Variants in ESYT3 observed in about 807,000 individuals in gnomAD.
ESYT3 encodes extended synaptotagmin 3, also known as extended synaptotagmin-3.
ESYT3 carries 101 observed loss-of-function variants against 111.5 expected under a neutral mutation model. The ratio of observed to expected loss-of-function variants is 0.91; its 90% CI spans 0.77 to 1.07. The LOEUF is 1.07. Ranked by LOEUF, ESYT3 falls within the 50% of genes least tolerant of loss-of-function variation. The probability of loss-of-function intolerance (pLI) is 0.00; values close to 1 mark genes in which losing one functional copy is unlikely to be tolerated. For missense variants in ESYT3, 1,097 were observed against 1,109.4 expected (o/e 0.99, Z 0.16); for synonymous variants, 416 against 446.8 (o/e 0.93, Z 0.87).
At chr3:138,467,431 C>T (rs751041618) in intron 10 of ESYT3, 130 bp from the exon 11 acceptor site, 3 of 912,172 alleles carry the variant, frequency 3.3e-6, no homozygotes, top group Non-Finnish European at 3.6e-6. Flanking sequence ...CCATTGGTTC[C>T]TTGGGGTAAG....
rs2030556122 is a variant in ESYT3, at chr3:138,435,161, A to C, written c.327+36A>C. The C allele has an allele frequency of 6.6e-7, 1 of 1,509,668 alleles. No homozygotes were observed. The highest frequency in any genetic ancestry group is 1.4e-5 in the African/African-American group (1 of 73,580). The allele number at this position is 1,509,668 out of a possible 1,614,324, so 93.5% of individuals were successfully genotyped here. On this transcript the variant is annotated intron_variant, in intron 1 of 22. Transcript: ENST00000389567. The surrounding 1 kb of genome is among the most constrained non-coding windows in gnomAD (Gnocchi z 4.8). ...CCGGGTGGGAGTGGGAGGTGGGGAG[A>C]TGCCTTTCGAGGTTCGGAGGAACTT...
Position 138,468,135 on chromosome 3 carries a change from C to T in ESYT3, c.1249C>T (p.Arg417Trp), listed in dbSNP as rs200238751. ...WFVLNDTTSG[R>W]LHLRLEWLSL... The stretch of plus-strand genomic sequence containing the variant: ...TGTCCTGAATGACACAACCAGCGGG[C>T]GGCTGCACCTGCGGCTGGAGTGGCT... The change falls in exon 12 of 23, where the codon CGG becomes TGG. Residue 417 changes from arginine (R) to tryptophan (W), a missense_variant. Arg to Trp is a moderately radical substitution (Grantham distance 101). Transcript: ENST00000389567. The T allele has an allele frequency of 3.3e-5, 54 of 1,614,152 alleles. No individual in the cohort carries two copies. In the South Asian group the frequency reaches 4.5e-4, roughly 13 times the overall value.
At chr3:138,470,269 T>C in intron 16 of ESYT3, 123 bp downstream of exon 16, 1 of 1,398,764 alleles carries the variant, frequency 7.1e-7, no homozygotes, top group African/African-American at 1.4e-5. Flanking sequence ...CCCTTGTATG[T>C]AAGAGAGGAC....
chr3:138,449,388 G>A (rs965045085), intron 1 of ESYT3, among the ~76,000 whole-genome samples: 2 of 152,052 alleles, frequency 1.3e-5, no homozygotes, highest in African/African-American at 2.4e-5. Context: ...TCCCGGCCTT[G>A]CTTCCTACAT....
chr3:138,470,833 G>A (rs758129335), intron 16 of ESYT3, 44 bp from the exon 17 acceptor site: 1 of 1,612,410 alleles, frequency 6.2e-7, no homozygotes, highest in South Asian at 1.1e-5. Flanking sequence ...GTGGAGTGGT[G>A]GGGCTTGGTT....
chr3:138,460,535 G>T, intron 6 of ESYT3, 76 bp from the exon 7 acceptor site: 2 of 1,491,468 alleles, frequency 1.3e-6, no homozygotes, highest in Non-Finnish European at 1.9e-6. Flanking sequence ...ACATGGGTGT[G>T]AGGCTCTTGG....
intron 1 of ESYT3, among the ~76,000 whole-genome samples, chr3:138,436,551 T>A (rs2030708126): frequency 6.6e-6 from 1 of 152,192 alleles, no homozygotes; most frequent in Non-Finnish European, 1.5e-5. Flanking sequence ...GCAAATAGCT[T>A]ACATATTTGG....
chr3:138,474,272 C>A lies in ESYT3; in HGVS notation c.2388C>A (p.Tyr796Ter). Residue 796 changes from tyrosine (Y) to a stop codon, truncating the protein, a stop_gained, in exon 20 of 23, where the codon TAC becomes TAA. Coordinates refer to ENST00000389567, the MANE Select transcript of ESYT3 (RefSeq NM_031913.5). LOFTEE classifies it high-confidence loss of function. The stretch of plus-strand genomic sequence containing the variant: ...GAGCTGATCCCTACGTCCGTGTCTA[C>A]TTGTTGCCAGAAAGGAAGTGGGCAT... ...SSGADPYVRVYLLPERKWACR... is the reference protein window; with the variant it reads ...SSGADPYVRV The A allele has an allele frequency of 6.2e-7, 1 of 1,610,684 alleles. No individual in the cohort carries two copies. The highest frequency in any genetic ancestry group is 8.5e-7 in the Non-Finnish European group (1 of 1,178,416).
intron 9 of ESYT3, 57 bp downstream of exon 9, chr3:138,464,572 A>G (rs770478122): frequency 4.4e-6 from 7 of 1,583,512 alleles, no homozygotes; most frequent in Non-Finnish European, 5.2e-6. Flanking sequence ...GGGCAGAGGC[A>G]ATCCAGGGGC....
In ESYT3 at chr3:138,458,435, G is replaced by A. The variant is rs2032421312; in HGVS notation, c.582-752G>A. Among the ~76,000 whole-genome samples the A allele has an allele frequency of 2.0e-5, 3 of 152,216 alleles. No homozygotes were observed. In the South Asian group the frequency reaches 6.2e-4, roughly 32 times the overall value. On this transcript the variant is annotated intron_variant, in intron 4 of 22. Coordinates refer to ENST00000389567, the MANE Select transcript of ESYT3 (RefSeq NM_031913.5). ...TTGTGTGGCCCACTCAGCTGCCCAGGCAGCCCCCGGGGTCCCCATCTTCCC... is the reference window on the plus strand; with the variant it reads ...TTGTGTGGCCCACTCAGCTGCCCAGACAGCCCCCGGGGTCCCCATCTTCCC...
In ESYT3 at chr3:138,472,803, GCTCAA is replaced by G. The variant is rs1560245554; in HGVS notation, c.2185_2189del (p.Asn729LeufsTer7). On this transcript the variant is annotated frameshift_variant, in exon 18 of 23. Coordinates refer to ENST00000389567, the MANE Select transcript of ESYT3 (RefSeq NM_031913.5). LOFTEE classifies it high-confidence loss of function. ...AGAGGCTGGCTCCCAGCATGTCCTC[GCTCAA>G]CTCCTTGGCCTCTTCTTGCTTTGAC... The G allele has an allele frequency of 1.2e-6, 2 of 1,614,190 alleles. No individual in the cohort carries two copies. Among genetic ancestry groups the G allele is most frequent in the Admixed American group, 1.7e-5 (1 of 60,036 alleles).
chr3:138,438,834 A>G (rs2030924545), intron 1 of ESYT3, among the ~76,000 whole-genome samples: 1 of 152,248 alleles, frequency 6.6e-6, no homozygotes. Context: ...GAAGCCTTGA[A>G]GGAAGAACCT....
chr3:138,437,232 G>T (rs1343682177), intron 1 of ESYT3, among the ~76,000 whole-genome samples: 1 of 152,178 alleles, frequency 6.6e-6, no homozygotes, highest in East Asian at 1.9e-4. Flanking sequence ...GGAGCCAGGA[G>T]TCGGAACAGG....
intron 7 of ESYT3, among the ~76,000 whole-genome samples, chr3:138,461,435 C>T (rs541800509): frequency 3.0e-4 from 45 of 152,264 alleles, no homozygotes; most frequent in African/African-American, 9.4e-4. Flanking sequence ...GGACACACCT[C>T]CCCAGGAGGA....
intron 17 of ESYT3, 77 bp from the exon 18 acceptor site, chr3:138,472,286 A>AGG: frequency 6.5e-7 from 1 of 1,541,666 alleles, no homozygotes; most frequent in Non-Finnish European, 8.7e-7. Context: ...CTGAGGGGAA[A>AGG]GGGGGAACGG....
intron 8 of ESYT3, among the ~76,000 whole-genome samples, chr3:138,462,864 C>T (rs150291882): frequency 3.2e-4 from 48 of 152,042 alleles, no homozygotes; most frequent in African/African-American, 1.0e-3. Flanking sequence ...AGTTTTGCCA[C>T]GTTGGCCAGG....
In ESYT3 at chr3:138,479,488, C is replaced by G. The variant is rs964407438; in HGVS notation, c.*2634C>G. The G allele has an allele frequency of 6.6e-6, 1 of 152,232 alleles. No individual in the cohort carries two copies. The highest frequency in any genetic ancestry group is 1.9e-4 in the East Asian group (1 of 5,202). The allele number at this position is 152,232 out of a possible 1,614,324, so 9.4% of individuals were successfully genotyped here. ...CTCAGCTTCAAATTGACGTCTGTCT[C>G]CTTTGCTGCTTTCCCGGCAGGCTGA... On this transcript the variant is annotated 3_prime_UTR_variant, in exon 23 of 23. Transcript: ENST00000389567.
rs1219407252 is a variant in ESYT3, at chr3:138,479,281, CAAAT to C, written c.*2430_*2433del. On this transcript the variant is annotated 3_prime_UTR_variant, in exon 23 of 23. Transcript: ENST00000389567. ...ATGATGATTGTTCACAAGATATAAA[CAAAT>C]AACCAAAGATTTTTGCAAGGGTTCA... 6.6e-6 allele frequency: 1 copy of C among 152,214 alleles called. No individual in the cohort carries two copies. Among genetic ancestry groups the C allele is most frequent in the Admixed American group, 6.5e-5 (1 of 15,302 alleles). 9.4% of individuals were successfully genotyped at this position (152,214 alleles called of 1,614,324 possible).
chr3:138,460,800 GT>G (rs2032589193), intron 7 of ESYT3, 134 bp downstream of exon 7: 2 of 1,016,792 alleles, frequency 2.0e-6, no homozygotes. Context: ...GCATTGGTCT[GT>G]TTGGAGTGGG....
Sources: gnomAD v4.1 joint callset for allele counts (sites outside exome capture counted in the v4.1 genomes callset) on GRCh38, gnomAD v4.1.1 for gene constraint, Gnocchi (gnomAD v3.1) non-coding constraint, MANE v1.5 for transcripts, NCBI Gene and HGNC (gene_info 2026-07-23, HGNC 2026-07-21) for gene names.